The following LDAF1 variants were observed in gnomAD, a reference collection of about 807,000 sequenced individuals.
LDAF1 encodes the protein PROMETHIN.
A neutral mutation model predicts 13.5 loss-of-function variants in LDAF1; 7 were observed. The ratio of observed to expected loss-of-function variants is 0.52; its 90% CI spans 0.29 to 0.97. The LOEUF is 0.97. Ranked by LOEUF, LDAF1 falls within the 50% of genes least tolerant of loss-of-function variation. LDAF1 has a pLI of 0.07. For synonymous variants in LDAF1, 69 were observed against 77.1 expected (o/e 0.89, Z 0.55); for missense variants, 148 against 193.2 (o/e 0.77, Z 1.39).
At chr16:21,166,944 A>G in intron 2 of LDAF1, 1 of 1,529,638 alleles carries the variant, frequency 6.5e-7, no homozygotes. Flanking sequence ...CTGGCTAGAG[A>G]AGCGGAATAG....
chr16:21,166,505 A>G (rs1004901742), intron 2 of LDAF1, among the ~76,000 whole-genome samples: 1 of 152,230 alleles, frequency 6.6e-6, no homozygotes, highest in Admixed American at 6.5e-5. Context: ...CAAGTGCTGA[A>G]TGGCGCAGGT....
rs2093103098 is a variant in LDAF1, at chr16:21,172,896, G to A, written c.266-1114G>A. ...TCCCTGAAACCATCACTGTGGCTGT[G>A]GGAGGAGCACTGGGCTAACTGGCCA... is the stretch of plus-strand genomic sequence containing the variant. On this transcript the variant is annotated intron_variant, in intron 3 of 4. Transcript: ENST00000233047. 4.1e-6 allele frequency: 4 copies of A among 963,934 alleles called. No individual in the cohort carries two copies. In the South Asian group the frequency reaches 1.4e-4, roughly 35 times the overall value. 59.7% of individuals were successfully genotyped at this position (963,934 alleles called of 1,614,324 possible).
At chr16:21,171,110 C>T (rs975570737) in intron 3 of LDAF1, among the ~76,000 whole-genome samples, 1 of 152,142 alleles carries the variant, frequency 6.6e-6, no homozygotes, top group Admixed American at 6.6e-5. Flanking sequence ...CCATTCATTC[C>T]ACAGTGAGTT....
intron 2 of LDAF1, among the ~76,000 whole-genome samples, chr16:21,167,437 A>G (rs1338965630): frequency 6.6e-6 from 1 of 152,250 alleles, no homozygotes. Flanking sequence ...GTGGAGCCTA[A>G]GGAGGAGAGG....
At chr16:21,179,329 T>C (rs1297153376) in intron 4 of LDAF1, 146 bp from the exon 5 acceptor site, 1 of 1,523,088 alleles carries the variant, frequency 6.6e-7, no homozygotes, top group East Asian at 2.4e-5. Context: ...AGTTTCTTCA[T>C]CTGTATAATG....
chr16:21,172,891 G>A (rs2093103030), intron 3 of LDAF1: 11 of 970,874 alleles, frequency 1.1e-5, no homozygotes, highest in Middle Eastern at 1.1e-3. Context: ...CATCACTGTG[G>A]CTGTGGGAGG....
intron 1 of LDAF1, 136 bp from the exon 2 acceptor site, chr16:21,160,949 C>T: frequency 1.9e-6 from 2 of 1,061,902 alleles, no homozygotes; most frequent in South Asian, 5.2e-5. Context: ...GAAGTGTGTG[C>T]AATCTGAAAT....
intron 4 of LDAF1, among the ~76,000 whole-genome samples, chr16:21,176,046 A>G (rs1407248815): frequency 2.0e-5 from 3 of 152,154 alleles, no homozygotes; most frequent in Non-Finnish European, 2.9e-5. Flanking sequence ...ACTCACTCCC[A>G]GTCTTAAAAG....
chr16:21,167,764 T>C (rs1284461947), intron 2 of LDAF1, among the ~76,000 whole-genome samples: 5 of 139,676 alleles, frequency 3.6e-5, no homozygotes, highest in African/African-American at 1.3e-4. Flanking sequence ...CTCAGCACTT[T>C]GGGAGGCCAA....
At chr16:21,166,299 G>C (rs1322862662) in intron 2 of LDAF1, among the ~76,000 whole-genome samples, 1 of 151,834 alleles carries the variant, frequency 6.6e-6, no homozygotes, top group Non-Finnish European at 1.5e-5. Context: ...TCTCAATTCT[G>C]ATGCCAAATT....
At chr16:21,159,001 A>AAC (rs891430869) in intron 1 of LDAF1, among the ~76,000 whole-genome samples, 6 of 137,962 alleles carry the variant, frequency 4.3e-5, no homozygotes, top group South Asian at 2.3e-4. Context: ...GCCACCCCCC[A>AAC]ACACACACAC....
Position 21,174,135 on chromosome 16 carries a change from T to A in LDAF1, c.391T>A (p.Trp131Arg), listed in dbSNP as rs2093117540. The change falls in exon 4 of 5, where the codon TGG (tryptophan) becomes AGG (arginine). Residue 131 changes from tryptophan (W) to arginine (R), a missense_variant. Coordinates refer to ENST00000233047, the MANE Select transcript of LDAF1 (RefSeq NM_001301771.2). Reference protein sequence around the residue: ...YVVVSSLISCWFSPRPLTQQN... With the variant: ...YVVVSSLISCRFSPRPLTQQN... ...AGTGGTCTCCAGCCTCATCAGCTGC[T>A]GGTTTTCTCCCAGGTAAATACATGT... The A allele has an allele frequency of 6.2e-7, 1 of 1,608,788 alleles. No individual in the cohort carries two copies.
chr16:21,175,184 T>C (rs1220230783), intron 4 of LDAF1, among the ~76,000 whole-genome samples: 2 of 152,258 alleles, frequency 1.3e-5, no homozygotes, highest in South Asian at 4.1e-4. Context: ...AAGTCCCAAG[T>C]TCATCATACT....
At chr16:21,178,452 C>G (rs2093158157) in intron 4 of LDAF1, 1 of 932,342 alleles carries the variant, frequency 1.1e-6, no homozygotes, top group Admixed American at 6.2e-5. Flanking sequence ...AAAGTAGATA[C>G]TAGTTTAAAC....
chr16:21,160,879 C>T (rs1205495512), intron 1 of LDAF1: 6 of 408,806 alleles, frequency 1.5e-5, no homozygotes, highest in Non-Finnish European at 2.3e-5. Context: ...CCTTTTAGTA[C>T]ATTTTGAGAT....
intron 4 of LDAF1, among the ~76,000 whole-genome samples, 166 bp downstream of exon 4, chr16:21,174,314 C>G (rs1281808189): frequency 6.6e-6 from 1 of 152,132 alleles, no homozygotes; most frequent in Non-Finnish European, 1.5e-5. Flanking sequence ...TTCAGCCTCC[C>G]AAGTAGCTGG....
chr16:21,179,328 A>C (rs759553865), intron 4 of LDAF1, 147 bp from the exon 5 acceptor site: 1 of 1,522,840 alleles, frequency 6.6e-7, no homozygotes, highest in Non-Finnish European at 8.8e-7. Flanking sequence ...CAGTTTCTTC[A>C]TCTGTATAAT....
At chr16:21,174,705 C>CT (rs1311408226) in intron 4 of LDAF1, among the ~76,000 whole-genome samples, 1 of 152,214 alleles carries the variant, frequency 6.6e-6, no homozygotes. Flanking sequence ...CATAGCAACT[C>CT]TATCAGTATT....
chr16:21,164,848 T>A (rs370126958), intron 2 of LDAF1, among the ~76,000 whole-genome samples: 30 of 152,228 alleles, frequency 2.0e-4, no homozygotes, highest in African/African-American at 7.0e-4. Context: ...AATGAAATGT[T>A]AATTGCTACG....
Sources: gnomAD v4.1 joint callset for allele counts (sites outside exome capture counted in the v4.1 genomes callset) on GRCh38, gnomAD v4.1.1 for gene constraint, MANE v1.5 for transcripts, NCBI Gene and HGNC (gene_info 2026-07-23, HGNC 2026-07-21) for gene names.